Variants in DACH1 observed in about 807,000 individuals in gnomAD.
The protein encoded by DACH1 is dachshund homolog 1.
Under a neutral mutation model 54.2 loss-of-function variants are expected in DACH1, and 12 were observed. The observed-to-expected ratio is 0.22, with a 90% confidence interval of 0.14 to 0.36. The LOEUF (loss-of-function observed/expected upper bound fraction) is 0.36. DACH1 is among the 10% of genes least tolerant of loss of function. The pLI is 1.00. For synonymous variants in DACH1, 386 were observed against 366.2 expected, an observed-to-expected ratio of 1.05 and a Z score of -0.62; for missense variants, 805 against 929.8, an observed-to-expected ratio of 0.87 and a Z score of 1.75.
intron 7 of DACH1, among the ~76,000 whole-genome samples, chr13:71,485,167 T>C (rs1438295902): frequency 1.3e-5 from 2 of 151,988 alleles, no homozygotes; most frequent in Non-Finnish European, 2.9e-5. Flanking sequence ...ACTAAAATTT[T>C]AGTCTCCTTA....
At chr13:71,685,265 T>G (rs1464507674) in intron 1 of DACH1, among the ~76,000 whole-genome samples, 1 of 152,128 alleles carries the variant, frequency 6.6e-6, no homozygotes, top group Non-Finnish European at 1.5e-5. Context: ...ATTCCACCAA[T>G]AGAGATTTAT....
intron 6 of DACH1, among the ~76,000 whole-genome samples, chr13:71,499,223 T>C (rs962226186): frequency 2.6e-5 from 4 of 152,104 alleles, no homozygotes; most frequent in African/African-American, 9.7e-5. Flanking sequence ...TCAGTGTTTA[T>C]GCAAGAACTG....
chr13:71,507,390 C>G (rs1033584435), intron 6 of DACH1, among the ~76,000 whole-genome samples: 1 of 152,108 alleles, frequency 6.6e-6, no homozygotes, highest in African/African-American at 2.4e-5. Flanking sequence ...TCTCATGATA[C>G]TTTTAAGAAA....
chr13:71,709,996 C>T (rs1882633822), intron 1 of DACH1, among the ~76,000 whole-genome samples: 2 of 152,088 alleles, frequency 1.3e-5, no homozygotes, highest in South Asian at 4.1e-4. Flanking sequence ...TACAAGTTTG[C>T]ACCACCATGC....
intron 6 of DACH1, among the ~76,000 whole-genome samples, chr13:71,521,582 A>G (rs1881603827): frequency 6.6e-6 from 1 of 152,016 alleles, no homozygotes; most frequent in African/African-American, 2.4e-5. Context: ...TGTTATTCCT[A>G]TATGGTTTCC....
intron 2 of DACH1, among the ~76,000 whole-genome samples, chr13:71,662,272 A>G (rs1280246738): frequency 6.6e-6 from 1 of 152,050 alleles, no homozygotes; most frequent in Non-Finnish European, 1.5e-5. Context: ...ATCAAATACT[A>G]TTGTTAAAAG....
chr13:71,571,210 A>T (rs1885173118), intron 4 of DACH1, among the ~76,000 whole-genome samples: 1 of 152,160 alleles, frequency 6.6e-6, no homozygotes, highest in Non-Finnish European at 1.5e-5. Flanking sequence ...AATCACGACC[A>T]GATTTTTTTA....
chr13:71,474,209 T>A (rs369372801), intron 10 of DACH1, among the ~76,000 whole-genome samples: 1 of 152,280 alleles, frequency 6.6e-6, no homozygotes, highest in African/African-American at 2.4e-5. Context: ...GATTGTTACT[T>A]CTTGCACATA....
At chr13:71,732,987 C>T (rs1020266950) in intron 1 of DACH1, among the ~76,000 whole-genome samples, 7 of 152,072 alleles carry the variant, frequency 4.6e-5, no homozygotes, top group Non-Finnish European at 7.4e-5. Context: ...TATACTTACT[C>T]ATATCATTTT....
intron 1 of DACH1, among the ~76,000 whole-genome samples, chr13:71,697,005 C>T (rs1471993050): frequency 6.6e-6 from 1 of 152,184 alleles, no homozygotes; most frequent in Non-Finnish European, 1.5e-5. Context: ...CCATGTCTCA[C>T]CTTCCCCAAC....
At chr13:71,795,747 G>T (rs1218348774) in intron 1 of DACH1, among the ~76,000 whole-genome samples, 2 of 152,138 alleles carry the variant, frequency 1.3e-5, no homozygotes, top group African/African-American at 4.8e-5. Flanking sequence ...CTTTGATCAA[G>T]TATTTAACCT....
intron 4 of DACH1, among the ~76,000 whole-genome samples, chr13:71,571,804 C>T (rs1371634494): frequency 6.8e-6 from 1 of 147,198 alleles, no homozygotes; most frequent in Non-Finnish European, 1.5e-5. Flanking sequence ...GGCACGATCT[C>T]AGCTCAATGC....
At position 71,732,351 on chromosome 13, in the gene DACH1, G is replaced by T. The variant is rs187749806; in HGVS notation, c.849-50441C>A. Among the ~76,000 whole-genome samples, 502 of 152,086 alleles carry T rather than the reference G, an allele frequency of 3.3e-3. 6 individuals are homozygous for T. The highest frequency in any genetic ancestry group is 2.1e-3 in the Non-Finnish European group (140 of 67,996). On this transcript the variant is annotated intron_variant, in intron 1 of 10. Transcript: ENST00000613252. ...TGTAATCCCAGCACTTTGGGAGGCCGAGGCGGATGAATCTCCTGAGCTCAG... is the reference window on the plus strand; with the variant it reads ...TGTAATCCCAGCACTTTGGGAGGCCTAGGCGGATGAATCTCCTGAGCTCAG...
chr13:71,635,769 T>C (rs926099095), intron 2 of DACH1, among the ~76,000 whole-genome samples: 1 of 152,032 alleles, frequency 6.6e-6, no homozygotes, highest in Non-Finnish European at 1.5e-5. Context: ...AAATTACCAC[T>C]GCTTTTACAT....
chr13:71,787,857 G>C (rs1464397641), intron 1 of DACH1, among the ~76,000 whole-genome samples: 1 of 152,112 alleles, frequency 6.6e-6, no homozygotes, highest in Non-Finnish European at 1.5e-5. Flanking sequence ...ATTTACTACA[G>C]CTGAACAAAA....
intron 1 of DACH1, 75 bp downstream of exon 1, chr13:71,865,847 G>T: frequency 7.3e-7 from 1 of 1,376,146 alleles, no homozygotes; most frequent in South Asian, 1.8e-5. Flanking sequence ...GAGCGGCGCC[G>T]GGAAAGGAGC....
intron 2 of DACH1, among the ~76,000 whole-genome samples, chr13:71,653,520 G>A (rs1878829042): frequency 6.6e-6 from 1 of 152,144 alleles, no homozygotes; most frequent in Non-Finnish European, 1.5e-5. Flanking sequence ...TTTACCTACT[G>A]TAATTGTTAC....
intron 6 of DACH1, among the ~76,000 whole-genome samples, chr13:71,551,122 G>T (rs191837415): frequency 3.3e-4 from 50 of 151,952 alleles, no homozygotes; most frequent in Non-Finnish European, 6.0e-4. Context: ...ATTTGAATAA[G>T]ATCTATTTAG....
chr13:71,598,993 T>G (rs1314770683), intron 3 of DACH1, among the ~76,000 whole-genome samples: 1 of 152,062 alleles, frequency 6.6e-6, no homozygotes, highest in Non-Finnish European at 1.5e-5. Context: ...GGTCTTAGAG[T>G]TCTTCTTATA....
Sources: allele counts gnomAD v4.1 joint callset (sites outside exome capture counted in the v4.1 genomes callset), GRCh38; gene constraint gnomAD v4.1.1; transcripts MANE v1.5; gene names NCBI Gene and HGNC (gene_info 2026-07-23, HGNC 2026-07-21).